The following RPS6KA2 variants were observed in gnomAD, a reference collection of about 807,000 sequenced individuals.
RPS6KA2 encodes ribosomal protein S6 kinase A2.
In RPS6KA2, 42 loss-of-function variants were observed where a neutral mutation model predicts 91.8. That is an observed-to-expected ratio of 0.46 (90% confidence interval 0.36 to 0.59). The LOEUF (loss-of-function observed/expected upper bound fraction) is 0.59. RPS6KA2 is among the 20% of genes least tolerant of loss of function. RPS6KA2 has a pLI of 0.00. For missense variants in RPS6KA2, 798 were observed against 978.5 expected (o/e 0.82, Z 2.46); for synonymous variants, 414 against 393.6 (o/e 1.05, Z -0.61).
Position 166,419,970 on chromosome 6 carries a change from C to T in RPS6KA2, c.1744-12G>A, listed in dbSNP as rs200749590. On this transcript the variant is annotated splice_polypyrimidine_tract_variant and intron_variant, in intron 17 of 20. Transcript: ENST00000265678. This position sits in a 1 kb window ranked among gnomAD's most constrained non-coding sequence, Gnocchi z 5.6. The stretch of plus-strand genomic sequence containing the variant: ...TGACGCTTCAGGACCTAGGAGGGAA[C>T]GACAGGACACCGGCACGCCCTTCAC... 9.2e-5 allele frequency: 148 copies of T among 1,612,498 alleles called. No homozygotes were observed. The African/African-American group carries it at 1.2e-3, about 13-fold the overall frequency.
chr6:166,723,624 T>A (rs1258462020), intron 2 of RPS6KA2, among the ~76,000 whole-genome samples: 2 of 152,082 alleles, frequency 1.3e-5, no homozygotes, highest in African/African-American at 2.4e-5. Context: ...GAAAATAAAG[T>A]CCGAACTAAC....
At chr6:166,810,013 T>A (rs1041785163) in intron 2 of RPS6KA2, among the ~76,000 whole-genome samples, 2 of 152,202 alleles carry the variant, frequency 1.3e-5, no homozygotes, top group African/African-American at 4.8e-5. Context: ...CAGTTACGCA[T>A]AACTGGAGAG....
intron 2 of RPS6KA2, among the ~76,000 whole-genome samples, chr6:166,809,262 G>T (rs1779571663): frequency 6.6e-6 from 1 of 152,182 alleles, no homozygotes; most frequent in South Asian, 2.1e-4. Flanking sequence ...GCTCAGAGAA[G>T]ATAATGGAGG....
intron 2 of RPS6KA2, among the ~76,000 whole-genome samples, chr6:166,752,461 T>C (rs1482066608): frequency 6.6e-6 from 1 of 152,224 alleles, no homozygotes; most frequent in East Asian, 1.9e-4. Context: ...TTTTTCAAAA[T>C]CTTATTTTAT....
chr6:166,518,664 G>C (rs551355661), intron 3 of RPS6KA2, among the ~76,000 whole-genome samples: 2 of 152,214 alleles, frequency 1.3e-5, no homozygotes, highest in Non-Finnish European at 2.9e-5. Context: ...TATATGTTGA[G>C]TTTAGGGTGG....
intron 8 of RPS6KA2, among the ~76,000 whole-genome samples, chr6:166,492,312 C>T (rs968883205): frequency 1.7e-4 from 26 of 151,956 alleles, no homozygotes; most frequent in African/African-American, 5.8e-4. Flanking sequence ...AAAAAGCAAG[C>T]GGAAGGGGGT....
At chr6:166,550,728 C>T (rs528187616) in intron 1 of RPS6KA2, among the ~76,000 whole-genome samples, 53 of 152,158 alleles carry the variant, frequency 3.5e-4, no homozygotes, top group Non-Finnish European at 6.2e-4. Flanking sequence ...TAGGGTTGGG[C>T]GCGATGGCTC....
intron 1 of RPS6KA2, among the ~76,000 whole-genome samples, chr6:166,861,195 A>G (rs1781038224): frequency 3.3e-5 from 5 of 152,238 alleles, no homozygotes; most frequent in Admixed American, 3.3e-4. Flanking sequence ...AGACGTACAT[A>G]TAAGAATAAA....
At chr6:166,753,678 G>A (rs1777913903) in intron 2 of RPS6KA2, among the ~76,000 whole-genome samples, 1 of 152,166 alleles carries the variant, frequency 6.6e-6, no homozygotes, top group Non-Finnish European at 1.5e-5. Context: ...CATCTTGACT[G>A]TTATTTAGAT....
At position 166,437,021 on chromosome 6, in the gene RPS6KA2, GA is replaced by G. The variant is rs942928483; in HGVS notation, c.1333-4532del. On this transcript the variant is annotated intron_variant, in intron 14 of 20. Coordinates refer to ENST00000265678, the MANE Select transcript of RPS6KA2 (RefSeq NM_021135.6). This position sits in a 1 kb window ranked among gnomAD's most constrained non-coding sequence, Gnocchi z 4.3. ...GCTGCTTTTCCCTGTAACTTTTTCT[GA>G]AAAAAAAATTTTTTTTTTTTGCTTT... Among the ~76,000 whole-genome samples, 28 of 150,258 alleles carry G rather than the reference GA, an allele frequency of 1.9e-4. 1 individual carries two copies. Among genetic ancestry groups the G allele is most frequent in the South Asian group, 8.4e-4 (4 of 4,780 alleles).
chr6:166,671,619 T>A (rs539919770), intron 2 of RPS6KA2, among the ~76,000 whole-genome samples: 2 of 152,264 alleles, frequency 1.3e-5, no homozygotes, highest in African/African-American at 4.8e-5. Context: ...AGGTCAGCAA[T>A]CTGACAGCGA....
At chr6:166,778,572 C>T (rs1050755816) in intron 2 of RPS6KA2, among the ~76,000 whole-genome samples, 1 of 152,182 alleles carries the variant, frequency 6.6e-6, no homozygotes, top group African/African-American at 2.4e-5. Context: ...TCAAGACCAG[C>T]CTGGCCAACA....
intron 3 of RPS6KA2, among the ~76,000 whole-genome samples, chr6:166,524,252 A>C (rs778206876): frequency 3.9e-5 from 6 of 152,222 alleles, no homozygotes; most frequent in Non-Finnish European, 8.8e-5. Flanking sequence ...TAGGCTGAGA[A>C]AGTTGACTTG....
At chr6:166,560,466 G>C (rs1784311028) in intron 1 of RPS6KA2, among the ~76,000 whole-genome samples, 1 of 152,194 alleles carries the variant, frequency 6.6e-6, no homozygotes, top group Admixed American at 6.5e-5. Context: ...CTCAAGCACA[G>C]TGCCAGAATG....
chr6:166,473,788 A>T (rs1780858427), intron 10 of RPS6KA2, among the ~76,000 whole-genome samples: 1 of 152,266 alleles, frequency 6.6e-6, no homozygotes, highest in South Asian at 2.1e-4. Context: ...CTGCCTCCTT[A>T]GGTTTCTTAC....
intron 2 of RPS6KA2, among the ~76,000 whole-genome samples, chr6:166,766,940 C>T (rs1778327827): frequency 6.6e-6 from 1 of 152,212 alleles, no homozygotes; most frequent in Non-Finnish European, 1.5e-5. Context: ...GCCCTGTGGG[C>T]CTAACGTGCC....
At chr6:166,636,029 G>T (rs1310374494) in intron 2 of RPS6KA2, among the ~76,000 whole-genome samples, 1 of 152,114 alleles carries the variant, frequency 6.6e-6, no homozygotes, top group East Asian at 1.9e-4. Context: ...TTACTTTCTT[G>T]CCAGTAAAGT....
intron 1 of RPS6KA2, among the ~76,000 whole-genome samples, chr6:166,546,482 C>CTT (rs35709035): frequency 1.4e-5 from 2 of 144,458 alleles, no homozygotes; most frequent in Admixed American, 6.9e-5. Context: ...ACTGGGAAAA[C>CTT]TTTTTTTTTT....
At chr6:166,822,094 C>T (rs1408539739) in intron 2 of RPS6KA2, among the ~76,000 whole-genome samples, 1 of 152,208 alleles carries the variant, frequency 6.6e-6, no homozygotes, top group African/African-American at 2.4e-5. Flanking sequence ...CTGCTCCTCC[C>T]CCCTGCCCTG....
Sources: gnomAD v4.1 joint callset for allele counts (sites outside exome capture counted in the v4.1 genomes callset) on GRCh38, gnomAD v4.1.1 for gene constraint, Gnocchi (gnomAD v3.1) non-coding constraint, MANE v1.5 for transcripts, NCBI Gene and HGNC (gene_info 2026-07-23, HGNC 2026-07-21) for gene names.